UNC13C: variants seen among roughly 807,000 people sequenced by gnomAD.
UNC13C encodes protein unc-13 homolog C.
Under a neutral mutation model 245.4 loss-of-function variants are expected in UNC13C, and 174 were observed. The ratio of observed to expected loss-of-function variants is 0.71; its 90% CI spans 0.63 to 0.80. The LOEUF (loss-of-function observed/expected upper bound fraction) is 0.80, where lower values mean the gene tolerates loss of function less well. Ranked by LOEUF, UNC13C falls within the 30% of genes least tolerant of loss-of-function variation. UNC13C has a pLI of 0.00. For synonymous variants in UNC13C, 992 were observed against 895.1 expected, an observed-to-expected ratio of 1.11 and a Z score of -1.93; for missense variants, 2,829 against 2,602.9, an observed-to-expected ratio of 1.09 and a Z score of -1.89.
intron 10 of UNC13C, among the ~76,000 whole-genome samples, chr15:54,276,796 C>T (rs908301183): frequency 6.6e-6 from 1 of 152,048 alleles, no homozygotes; most frequent in African/African-American, 2.4e-5. Flanking sequence ...ACATTTGAGA[C>T]CATTTTTGAT....
intron 7 of UNC13C, among the ~76,000 whole-genome samples, chr15:54,240,424 T>C (rs28362165): frequency 0.22 from 33,132 of 152,160 alleles, 5,697 homozygotes; most frequent in African/African-American, 0.47. Flanking sequence ...AAGCATAAAA[T>C]ATTTGCTTTT....
chr15:54,481,986 T>G (rs563629136), intron 19 of UNC13C, among the ~76,000 whole-genome samples: 10 of 152,284 alleles, frequency 6.6e-5, no homozygotes, highest in Non-Finnish European at 1.2e-4. Flanking sequence ...GCATTGCTCC[T>G]GTGAGGGGCA....
At chr15:54,346,639 A>G (rs910644042) in intron 17 of UNC13C, among the ~76,000 whole-genome samples, 87 of 152,354 alleles carry the variant, frequency 5.7e-4, no homozygotes, top group Non-Finnish European at 4.1e-4. Context: ...AAGTAGAGAC[A>G]GCTGCAGTTA....
chr15:54,295,790 T>G (rs1020854162), intron 11 of UNC13C, among the ~76,000 whole-genome samples: 2 of 152,156 alleles, frequency 1.3e-5, no homozygotes, highest in Non-Finnish European at 2.9e-5. Context: ...TGTCCTTCAG[T>G]CTATGAGATG....
At chr15:54,002,995 C>T (rs144442299) in intron 1 of UNC13C, among the ~76,000 whole-genome samples, 2,510 of 152,104 alleles carry the variant, frequency 0.017, 23 homozygotes, top group South Asian at 0.047. Context: ...ACCTTCCCAG[C>T]TTTCCTTTTC....
chr15:54,182,345 T>C (rs1034906186), intron 4 of UNC13C, among the ~76,000 whole-genome samples: 4 of 152,138 alleles, frequency 2.6e-5, no homozygotes, highest in Admixed American at 2.0e-4. Context: ...TTTATCGATA[T>C]GTGTATGTTG....
chr15:54,412,604 G>A (rs932450583), intron 18 of UNC13C, among the ~76,000 whole-genome samples: 1 of 152,126 alleles, frequency 6.6e-6, no homozygotes, highest in Non-Finnish European at 1.5e-5. Flanking sequence ...TAGTTCATTG[G>A]TAGTATACCA....
chr15:54,231,706 A>G (rs908547189), intron 4 of UNC13C, among the ~76,000 whole-genome samples: 1 of 152,076 alleles, frequency 6.6e-6, no homozygotes, highest in Non-Finnish European at 1.5e-5. Flanking sequence ...TCTACAGTCA[A>G]TGACATCTTA....
the UNC13C span, among the ~76,000 whole-genome samples, chr15:53,890,428 A>T: frequency 3.9e-5 from 6 of 152,250 alleles, no homozygotes; most frequent in Admixed American, 3.9e-4. Flanking sequence ...GGCATGAGCC[A>T]CTGCGCCCAG....
chr15:54,349,696 C>A (rs2038937529), intron 17 of UNC13C, among the ~76,000 whole-genome samples: 1 of 152,088 alleles, frequency 6.6e-6, no homozygotes, highest in South Asian at 2.1e-4. Flanking sequence ...GGCAAGTAAG[C>A]CGGGAGCCAG....
intron 19 of UNC13C, among the ~76,000 whole-genome samples, chr15:54,438,203 T>C (rs754355685): frequency 6.6e-6 from 1 of 151,892 alleles, no homozygotes; most frequent in Non-Finnish European, 1.5e-5. Context: ...TGTAGTCCCA[T>C]AGAACTTCTA....
At position 54,443,633 on chromosome 15, in the gene UNC13C, T is replaced by G. The variant is rs949420709; in HGVS notation, c.4933+28566T>G. Among the ~76,000 whole-genome samples the G allele has an allele frequency of 2.0e-5, 3 of 152,232 alleles. No homozygotes were observed. In the South Asian group the frequency reaches 6.2e-4, roughly 32 times the overall value. ...TTTTTATTTGTTTCAATAAACTTTC[T>G]GATTTTCATCTGGATTGCTTCATTG... On this transcript the variant is annotated intron_variant, in intron 19 of 32. Transcript: ENST00000260323.
chr15:54,469,031 T>G (rs1892319663), intron 19 of UNC13C, among the ~76,000 whole-genome samples: 2 of 151,666 alleles, frequency 1.3e-5, no homozygotes, highest in Non-Finnish European at 3.0e-5. Context: ...TTTAGCACTA[T>G]GGACATTTTA....
chr15:54,169,482 G>A (rs1008600319), intron 4 of UNC13C, among the ~76,000 whole-genome samples: 3 of 151,958 alleles, frequency 2.0e-5, no homozygotes, highest in Non-Finnish European at 2.9e-5. Context: ...TTGCCTACTC[G>A]AGTTTCCAGG....
At chr15:53,844,170 G>T in the UNC13C span, among the ~76,000 whole-genome samples, 5 of 152,170 alleles carry the variant, frequency 3.3e-5, no homozygotes, top group Non-Finnish European at 7.3e-5. Flanking sequence ...GAAGGAAAAA[G>T]TGTGTGTCAC....
intron 8 of UNC13C, among the ~76,000 whole-genome samples, chr15:54,255,156 A>G (rs1246727769): frequency 6.6e-6 from 1 of 152,046 alleles, no homozygotes; most frequent in East Asian, 1.9e-4. Context: ...GGTGCTCTTT[A>G]AGTTTAGCTT....
chr15:54,585,345 T>C (rs1898433287), intron 30 of UNC13C, among the ~76,000 whole-genome samples: 1 of 152,136 alleles, frequency 6.6e-6, no homozygotes, highest in Non-Finnish European at 1.5e-5. Flanking sequence ...TTGCTTCCTC[T>C]CTCACCATGT....
At chr15:54,199,799 T>G (rs2034465171) in intron 4 of UNC13C, among the ~76,000 whole-genome samples, 1 of 152,048 alleles carries the variant, frequency 6.6e-6, no homozygotes, top group Non-Finnish European at 1.5e-5. Context: ...ACCAAGGTAT[T>G]CAGTCAACAA....
the UNC13C span, among the ~76,000 whole-genome samples, chr15:53,899,591 C>CT: frequency 0.075 from 11,297 of 151,366 alleles, 506 homozygotes; most frequent in South Asian, 0.19. Flanking sequence ...AGTCTCTCTA[C>CT]TTTTTTTTTA....
Sources: gnomAD v4.1 joint callset for allele counts (sites outside exome capture counted in the v4.1 genomes callset) on GRCh38, gnomAD v4.1.1 for gene constraint, MANE v1.5 for transcripts, NCBI Gene and HGNC (gene_info 2026-07-23, HGNC 2026-07-21) for gene names.